Variants in SHB observed in about 807,000 individuals in gnomAD.
The protein encoded by SHB is SH2 domain-containing adapter protein B.
Under a neutral mutation model 52.3 loss-of-function variants are expected in SHB, and 20 were observed. The ratio of observed to expected loss-of-function variants is 0.38; its 90% CI spans 0.27 to 0.56. The LOEUF is 0.56. Ranked by LOEUF, SHB falls within the 20% of genes least tolerant of loss-of-function variation. SHB has a pLI of 0.71. For synonymous variants in SHB, 397 were observed against 316.5 expected (o/e 1.25, Z -2.70); for missense variants, 825 against 723.3 (o/e 1.14, Z -1.61).
intron 1 of SHB, among the ~76,000 whole-genome samples, chr9:38,046,715 T>C (rs1821656929): frequency 6.6e-6 from 1 of 152,244 alleles, no homozygotes; most frequent in Non-Finnish European, 1.5e-5. Flanking sequence ...GAGATGTGGC[T>C]TCATTGTAAA....
At chr9:37,920,279 AC>A (rs1378625487) in intron 5 of SHB, among the ~76,000 whole-genome samples, 21 of 20,424 alleles carry the variant, frequency 1.0e-3, no homozygotes, top group Non-Finnish European at 2.0e-3. Flanking sequence ...CTTCAGAAAA[AC>A]AAAACAAAAC....
intron 2 of SHB, among the ~76,000 whole-genome samples, chr9:37,994,114 T>G (rs1173068389): frequency 6.6e-6 from 1 of 152,230 alleles, no homozygotes; most frequent in African/African-American, 2.4e-5. Context: ...ATCACCCTTT[T>G]TCATATTATC....
rs1385891142 is a variant in SHB, at chr9:37,916,446, C to T, written c.*3375G>A. Among the ~76,000 whole-genome samples, 3 of 152,222 alleles carry T rather than the reference C, an allele frequency of 2.0e-5. No homozygotes were observed. The highest frequency in any genetic ancestry group is 4.4e-5 in the Non-Finnish European group (3 of 68,040). On this transcript the variant is annotated 3_prime_UTR_variant, in exon 6 of 6. Transcript: ENST00000377707. ...TCTGAGACAGCGTCTGGGGAGCTAC[C>T]GGAACTTCGTGTTCAGCATCTTACA...
intron 1 of SHB, among the ~76,000 whole-genome samples, chr9:38,051,028 C>A (rs1320629829): frequency 1.3e-5 from 2 of 152,208 alleles, no homozygotes; most frequent in African/African-American, 4.8e-5. Flanking sequence ...GTCTAATCAT[C>A]TGTAAGGATT....
At chr9:38,048,688 G>A (rs1376316781) in intron 1 of SHB, among the ~76,000 whole-genome samples, 1 of 152,208 alleles carries the variant, frequency 6.6e-6, no homozygotes, top group Non-Finnish European at 1.5e-5. Context: ...ACATTGTTGA[G>A]TGTTTTCCAT....
chr9:37,966,935 G>A (rs112618271), intron 3 of SHB, among the ~76,000 whole-genome samples: 37 of 152,316 alleles, frequency 2.4e-4, no homozygotes, highest in African/African-American at 8.2e-4. Context: ...AGTCACGAGG[G>A]CAACATGGTA....
At chr9:37,997,206 A>G (rs771542942) in intron 2 of SHB, among the ~76,000 whole-genome samples, 1 of 152,210 alleles carries the variant, frequency 6.6e-6, no homozygotes, top group Non-Finnish European at 1.5e-5. Context: ...CATGCCGGCC[A>G]CAGGCTGTAT....
At chr9:37,994,891 C>A (rs771971365) in intron 2 of SHB, among the ~76,000 whole-genome samples, 8 of 152,104 alleles carry the variant, frequency 5.3e-5, no homozygotes, top group Non-Finnish European at 1.2e-4. Context: ...ACATTCACCC[C>A]TAAAAGGAAG....
chr9:38,017,073 C>T (rs772053128), intron 1 of SHB, among the ~76,000 whole-genome samples: 2 of 152,244 alleles, frequency 1.3e-5, no homozygotes, highest in Non-Finnish European at 2.9e-5. Flanking sequence ...TCCAATTAAA[C>T]ATGGCAAGTG....
intron 5 of SHB, among the ~76,000 whole-genome samples, chr9:37,946,274 G>A (rs549297206): frequency 2.0e-5 from 3 of 152,312 alleles, no homozygotes; most frequent in South Asian, 4.1e-4. Flanking sequence ...TCAACGTGTC[G>A]TCAAGGGTGG....
chr9:37,963,742 G>C (rs1832719308), intron 3 of SHB, among the ~76,000 whole-genome samples: 1 of 152,102 alleles, frequency 6.6e-6, no homozygotes, highest in Admixed American at 6.5e-5. Flanking sequence ...ATTGGTTTGG[G>C]AGGTAGGGTG....
In SHB at chr9:38,057,350, G is replaced by C. The variant is rs376982108; in HGVS notation, c.717+10579C>G. Among the ~76,000 whole-genome samples, 61 of 152,322 alleles carry C rather than the reference G, an allele frequency of 4.0e-4. 2 individuals are homozygous for C. The South Asian group carries it at 0.012, about 31-fold the overall frequency. On this transcript the variant is annotated intron_variant, in intron 1 of 5. Transcript: ENST00000377707. The stretch of plus-strand genomic sequence containing the variant: ...CAATGAAAAATGGCTAGATGAAAAA[G>C]TAGTAAAATGTTAATGGTGGTTTCT...
chr9:38,057,614 G>A (rs950009058), intron 1 of SHB, among the ~76,000 whole-genome samples: 1 of 152,202 alleles, frequency 6.6e-6, no homozygotes, highest in Non-Finnish European at 1.5e-5. Context: ...TGCAGTCCCC[G>A]ATCACATGTG....
intron 5 of SHB, among the ~76,000 whole-genome samples, chr9:37,923,663 C>A (rs151245144): frequency 1.3e-4 from 20 of 152,332 alleles, no homozygotes; most frequent in African/African-American, 4.6e-4. Flanking sequence ...CAAAAGGAGA[C>A]GCGAGCATGA....
chr9:37,999,512 G>A (rs1820987650), intron 2 of SHB, among the ~76,000 whole-genome samples: 1 of 152,200 alleles, frequency 6.6e-6, no homozygotes, highest in Non-Finnish European at 1.5e-5. Flanking sequence ...GTAGGCTTCT[G>A]TGGAAAGATA....
chr9:38,000,227 A>G (rs1459262845), intron 2 of SHB, among the ~76,000 whole-genome samples: 1 of 152,218 alleles, frequency 6.6e-6, no homozygotes, highest in Non-Finnish European at 1.5e-5. Flanking sequence ...CACAGCTTGA[A>G]CAACTGAAGG....
intron 1 of SHB, among the ~76,000 whole-genome samples, chr9:38,036,580 A>G (rs556671852): frequency 2.0e-5 from 3 of 152,148 alleles, no homozygotes; most frequent in Non-Finnish European, 4.4e-5. Context: ...ACGTCTACAG[A>G]GCAAATGAGC....
intron 3 of SHB, among the ~76,000 whole-genome samples, chr9:37,962,252 T>A (rs983636456): frequency 5.8e-4 from 89 of 152,160 alleles, no homozygotes; most frequent in Non-Finnish European, 1.3e-4. Context: ...CACCCCTTTT[T>A]CTGACTCCTG....
intron 1 of SHB, among the ~76,000 whole-genome samples, chr9:38,030,337 A>G (rs1821398160): frequency 6.6e-6 from 1 of 152,164 alleles, no homozygotes. Flanking sequence ...GAGCCCAGAT[A>G]AACACCACCT....
Sources: allele counts gnomAD v4.1 joint callset (sites outside exome capture counted in the v4.1 genomes callset), GRCh38; gene constraint gnomAD v4.1.1; transcripts MANE v1.5; gene names NCBI Gene and HGNC (gene_info 2026-07-23, HGNC 2026-07-21).